Variants in CHD5 observed in about 807,000 individuals in gnomAD.
The protein encoded by CHD5 is chromodomain helicase DNA binding protein 5, also known as ATP-dependent chromatin remodeler CHD5.
A neutral mutation model predicts 230.3 loss-of-function variants in CHD5; 69 were observed. The observed-to-expected ratio is 0.30, with a 90% CI of 0.25 to 0.37. CHD5 has a LOEUF of 0.37. Ranked by LOEUF, CHD5 falls within the 10% of genes least tolerant of loss-of-function variation. CHD5 has a pLI of 1.00. For synonymous variants in CHD5, 1,064 were observed against 1,065.9 expected, an observed-to-expected ratio of 1.00 and a Z score of 0.03; for missense variants, 1,827 against 2,622.8, an observed-to-expected ratio of 0.70 and a Z score of 6.63.
chr1:6,163,165 G>A (rs911288275), intron 2 of CHD5, among the ~76,000 whole-genome samples: 3 of 152,202 alleles, frequency 2.0e-5, no homozygotes, highest in Non-Finnish European at 2.9e-5. Context: ...CTCAGACAAC[G>A]TCAGGCATGT....
At chr1:6,151,552 G>A (rs1201127268) in intron 6 of CHD5, among the ~76,000 whole-genome samples, 1 of 152,254 alleles carries the variant, frequency 6.6e-6, no homozygotes, top group Non-Finnish European at 1.5e-5. Flanking sequence ...GGCCTGTCCT[G>A]TCTGACTGGT....
At chr1:6,135,034 C>A (rs1666717507) in intron 18 of CHD5, among the ~76,000 whole-genome samples, 175 bp from the exon 19 acceptor site, 1 of 152,270 alleles carries the variant, frequency 6.6e-6, no homozygotes, top group East Asian at 1.9e-4. Context: ...GACTGGGGGA[C>A]ACTGCCAGCA....
intron 3 of CHD5, among the ~76,000 whole-genome samples, chr1:6,158,514 C>T (rs1053399385): frequency 1.3e-5 from 2 of 152,230 alleles, no homozygotes; most frequent in African/African-American, 4.8e-5. Context: ...GAAATAGCTG[C>T]TCACTCAAAA....
chr1:6,112,812 G>A, intron 34 of CHD5, 97 bp downstream of exon 34: 2 of 883,174 alleles, frequency 2.3e-6, no homozygotes, highest in South Asian at 1.6e-5. Flanking sequence ...GGGCCAAGGG[G>A]ACGGCGCCTG....
At chr1:6,152,359 C>T (rs1667019492) in intron 6 of CHD5, 53 bp downstream of exon 6, 1 of 1,573,146 alleles carries the variant, frequency 6.4e-7, no homozygotes, top group Non-Finnish European at 8.6e-7. Flanking sequence ...TGCTCATGTG[C>T]AGACACACAT....
intron 36 of CHD5, 56 bp downstream of exon 36, chr1:6,111,719 C>A: frequency 7.1e-7 from 1 of 1,403,756 alleles, no homozygotes; most frequent in Non-Finnish European, 1.0e-6. Context: ...GGGCTCTCCC[C>A]GAGGTCCACG....
At chr1:6,153,556 C>T (rs1009517735) in intron 5 of CHD5, among the ~76,000 whole-genome samples, 1 of 152,332 alleles carries the variant, frequency 6.6e-6, no homozygotes, top group South Asian at 2.1e-4. Flanking sequence ...CAGCCAGACG[C>T]GGTGGCTCAC....
chr1:6,155,753 G>A lies in CHD5; in HGVS notation c.388-36C>T. 1 of 1,552,826 alleles carries A rather than the reference G, an allele frequency of 6.4e-7. No individual in the cohort carries two copies. Among genetic ancestry groups the A allele is most frequent in the African/African-American group, 1.4e-5 (1 of 73,464 alleles). On this transcript the variant is annotated intron_variant, in intron 3 of 41. Coordinates refer to ENST00000262450, the MANE Select transcript of CHD5 (RefSeq NM_015557.3). This position sits in a 1 kb window ranked among gnomAD's most constrained non-coding sequence, Gnocchi z 4.0. ...CCAGGCCAGAGGTAGAGTTGTTGAG[G>A]GGCCTTCTGACCTGCACCCCCATCC...
Position 6,142,200 on chromosome 1 carries a change from C to G in CHD5, c.2364G>C (p.Ser788=). 1 of 1,614,200 alleles carries G rather than the reference C, an allele frequency of 6.2e-7. No homozygotes were observed. The highest frequency in any genetic ancestry group is 2.2e-5 in the East Asian group (1 of 44,878). The change falls in exon 15 of 42, where the codon TCG becomes TCC. Residue 788 remains serine, a synonymous_variant. Transcript: ENST00000262450. The surrounding 1 kb of genome is among the most constrained non-coding windows in gnomAD (Gnocchi z 5.2). ...VTYTGDKESR[S]VIRENEFSFE... ...AGGAAAACTCGTTCTCCCGAATCAC[C>G]GAGCGGCTCTCCTTGTCCCCCGTGT...
rs376070212 is a variant in CHD5 at position 6,154,790 on chromosome 1, G to A, written c.615C>T (p.Ser205=). ...FSANNPFKGS[S]AAAAAAAVAA... ...CCACCGCCGCCGCCGCTGCTGCCGCGGAGCTGCCCTTGAAGGGGTTGTTGG... is the reference window on the plus strand; with the variant it reads ...CCACCGCCGCCGCCGCTGCTGCCGCAGAGCTGCCCTTGAAGGGGTTGTTGG... The change falls in exon 5 of 42, where the codon TCC becomes TCT. Residue 205 remains serine (S), a synonymous_variant. Coordinates refer to ENST00000262450, the MANE Select transcript of CHD5 (RefSeq NM_015557.3). The surrounding 1 kb of genome is among the most constrained non-coding windows in gnomAD (Gnocchi z 7.0). 2.9e-5 allele frequency: 47 copies of A among 1,613,500 alleles called. 1 individual carries two copies. The highest frequency in any genetic ancestry group is 8.8e-5 in the South Asian group (8 of 91,080).
rs1667494485 is a variant in CHD5, at chr1:6,180,228, C to T, written c.-205G>A. 5.6e-6 allele frequency: 1 copy of T among 179,110 alleles called. No individual in the cohort carries two copies. The highest frequency in any genetic ancestry group is 1.2e-5 in the Non-Finnish European group (1 of 86,320). The allele number at this position is 179,110 out of a possible 1,614,324, so 11.1% of individuals were successfully genotyped here. ...CTCTCGGCCGCCTTAGCCTGCTCCC[C>T]GCAAAGCCCGGGCGCTCCTCCCACC... On this transcript the variant is annotated 5_prime_UTR_variant, in exon 1 of 42. Transcript: ENST00000262450.
chr1:6,121,687 GCAGCCAAGCACCTC>G lies in CHD5; in HGVS notation c.4700-128_4700-115del. The G allele has an allele frequency of 1.5e-6, 1 of 677,354 alleles. No individual in the cohort carries two copies. Among genetic ancestry groups the G allele is most frequent in the South Asian group, 1.8e-5 (1 of 55,010 alleles). 42.0% of individuals were successfully genotyped at this position (677,354 alleles called of 1,614,324 possible). On this transcript the variant is annotated intron_variant, in intron 31 of 41. Transcript: ENST00000262450. This position sits in a 1 kb window ranked among gnomAD's most constrained non-coding sequence, Gnocchi z 4.5. ...GGCTTGGCCTTCGGGAGGCTCCACT[GCAGCCAAGCACCTC>G]CAGGAGAGACAAGCAGGATCCCCGG...
At position 6,146,246 on chromosome 1, in the gene CHD5, C is replaced by A; in HGVS notation, c.1768G>T (p.Glu590Ter). The change falls in exon 11 of 42, where the codon GAG becomes TAG. Residue 590 changes from glutamate (E) to a stop codon, truncating the protein, a stop_gained. Transcript: ENST00000262450. LOFTEE classifies it high-confidence loss of function. The surrounding 1 kb of genome is among the most constrained non-coding windows in gnomAD (Gnocchi z 5.1). ...ERFYRYGIKP[E>*]WMMIHRILNH... The stretch of plus-strand genomic sequence containing the variant: ...AGGATTCGGTGAATCATCATCCACT[C>A]TGGCTTGATGCCATAGCGGTAGAAG... 1 of 1,614,214 alleles carries A rather than the reference C, an allele frequency of 6.2e-7. No homozygotes were observed. The highest frequency in any genetic ancestry group is 1.3e-5 in the African/African-American group (1 of 75,060).
Position 6,149,259 on chromosome 1 carries a change from C to G in CHD5, c.1148G>C (p.Ser383Thr), listed in dbSNP as rs761646495. The change falls in exon 8 of 42, where the codon AGC becomes ACC. Residue 383 changes from serine to threonine, a missense_variant. Around this residue, in one of 14 missense-constraint regions of CHD5, gnomAD observed 657 missense variants for 816.4 expected, o/e 0.80. Transcript: ENST00000262450. ...GCCAAGGCTTACACAGTGGGGGCAG[C>G]TCCACTTGCCCTCGGGAGCCTTCTC... ...ELEKAPEGKWSCPHCEKEGIQ... is the reference protein window; with the variant it reads ...ELEKAPEGKWTCPHCEKEGIQ... The G allele has an allele frequency of 3.1e-6, 5 of 1,606,790 alleles. No individual in the cohort carries two copies. The South Asian group carries it at 5.5e-5, about 18-fold the overall frequency.
In CHD5 at chr1:6,102,103, C is replaced by T. The variant is rs756105794; in HGVS notation, c.*3371G>A. ...CCGGTGGAGTCTGCTCCCTCCACACCCCTGAACTCAGACCCCACGGGCCAG... is the reference window on the plus strand; with the variant it reads ...CCGGTGGAGTCTGCTCCCTCCACACTCCTGAACTCAGACCCCACGGGCCAG... On this transcript the variant is annotated 3_prime_UTR_variant, in exon 42 of 42. Coordinates refer to ENST00000262450, the MANE Select transcript of CHD5 (RefSeq NM_015557.3). 11 of 359,040 alleles carry T rather than the reference C, an allele frequency of 3.1e-5. No individual in the cohort carries two copies. The highest frequency in any genetic ancestry group is 6.1e-5 in the Non-Finnish European group (11 of 180,312). 22.2% of individuals were successfully genotyped at this position (359,040 alleles called of 1,614,324 possible).
chr1:6,176,812 C>T (rs1441056454), intron 1 of CHD5, among the ~76,000 whole-genome samples: 1 of 152,220 alleles, frequency 6.6e-6, no homozygotes, highest in African/African-American at 2.4e-5. Context: ...TTGTCCAAGA[C>T]CACTCAGCTA....
At chr1:6,133,410 C>T (rs1340087322) in intron 20 of CHD5, among the ~76,000 whole-genome samples, 1 of 152,238 alleles carries the variant, frequency 6.6e-6, no homozygotes, top group African/African-American at 2.4e-5. Context: ...AGGCGGCGGA[C>T]GCTGCTTTCA....
chr1:6,148,638 CGTCTCT>C (rs1431971652), intron 9 of CHD5, among the ~76,000 whole-genome samples: 1 of 152,202 alleles, frequency 6.6e-6, no homozygotes, highest in East Asian at 1.9e-4. Context: ...TCATGCCTCC[CGTCTCT>C]AGGGGAGTCA....
chr1:6,148,796 C>A, intron 9 of CHD5, 58 bp downstream of exon 9: 2 of 1,085,358 alleles, frequency 1.8e-6, no homozygotes, highest in Non-Finnish European at 2.3e-6. Flanking sequence ...CCCCTGGGGG[C>A]GGGGCCTGTT....
Sources: gnomAD v4.1 joint callset for allele counts (sites outside exome capture counted in the v4.1 genomes callset) on GRCh38, gnomAD v4.1.1 for gene constraint, gnomAD v4.1.1 regional missense constraint, Gnocchi (gnomAD v3.1) non-coding constraint, MANE v1.5 for transcripts, NCBI Gene and HGNC (gene_info 2026-07-23, HGNC 2026-07-21) for gene names.